PRKCQ: variants seen among roughly 807,000 people sequenced by gnomAD.
PRKCQ encodes the protein protein kinase C theta type.
In PRKCQ, 41 loss-of-function variants were observed where a neutral mutation model predicts 91.2. The ratio of observed to expected loss-of-function variants is 0.45; its 90% confidence interval spans 0.35 to 0.58. PRKCQ has a LOEUF of 0.58. Among genes scored for constraint, PRKCQ ranks in the 20% least tolerant of loss-of-function variants. The pLI, the probability that PRKCQ is intolerant of heterozygous loss-of-function variation, is 0.00. For synonymous variants in PRKCQ, 307 were observed against 316.9 expected (o/e 0.97, Z 0.33); for missense variants, 673 against 896.5 (o/e 0.75, Z 3.18).
At position 6,456,740 on chromosome 10, in the gene PRKCQ, C is replaced by T. The variant is rs1835029886; in HGVS notation, c.1581G>A (p.Lys527=). Reference sequence around the variant, plus strand: ...TCTTGGCATCTCCTAACATGTTCTCCTTGCACATTCCAAAATCCGCGATCT... The same window carrying T: ...TCTTGGCATCTCCTAACATGTTCTCTTTGCACATTCCAAAATCCGCGATCT... The part of the protein sequence containing the change: ...HIKIADFGMC[K]ENMLGDAKTN... The change falls in exon 15 of 18, where the codon AAG becomes AAA. Residue 527 remains lysine, a synonymous_variant. Transcript: ENST00000263125. 6.2e-7 allele frequency: 1 copy of T among 1,614,172 alleles called. No individual in the cohort carries two copies. The highest frequency in any genetic ancestry group is 8.5e-7 in the Non-Finnish European group (1 of 1,180,020).
At chr10:6,562,488 CAG>C (rs1840672715) in intron 1 of PRKCQ, among the ~76,000 whole-genome samples, 1 of 152,182 alleles carries the variant, frequency 6.6e-6, no homozygotes, top group South Asian at 2.1e-4. Context: ...TATGCTCAAC[CAG>C]AGTGAGTGTT....
chr10:6,447,279 C>T (rs928764998), intron 15 of PRKCQ, among the ~76,000 whole-genome samples: 6 of 151,810 alleles, frequency 4.0e-5, no homozygotes, highest in Admixed American at 1.3e-4. Flanking sequence ...TGGTGGCACG[C>T]GCCTGTAGTC....
At chr10:6,450,972 C>G (rs202090910) in intron 15 of PRKCQ, among the ~76,000 whole-genome samples, 1 of 152,076 alleles carries the variant, frequency 6.6e-6, no homozygotes, top group Non-Finnish European at 1.5e-5. Context: ...CAAGAGAAAG[C>G]AGGAAAAATC....
At chr10:6,442,133 G>A (rs752820738) in intron 15 of PRKCQ, 52 bp from the exon 16 acceptor site, 3 of 1,550,620 alleles carry the variant, frequency 1.9e-6, no homozygotes, top group Admixed American at 1.7e-5. Context: ...GCTGAGGAGT[G>A]ACAACTCTTC....
At chr10:6,456,181 C>A (rs1162513076) in intron 15 of PRKCQ, among the ~76,000 whole-genome samples, 1 of 152,130 alleles carries the variant, frequency 6.6e-6, no homozygotes, top group African/African-American at 2.4e-5. Flanking sequence ...TTTTAACTTT[C>A]ACACTCTTTC....
At chr10:6,513,307 A>G (rs572054435) in intron 2 of PRKCQ, among the ~76,000 whole-genome samples, 1 of 152,322 alleles carries the variant, frequency 6.6e-6, no homozygotes, top group South Asian at 2.1e-4. Flanking sequence ...AACAAGCCCA[A>G]AATAAAATCA....
At chr10:6,398,505 A>G in the PRKCQ span, among the ~76,000 whole-genome samples, 1 of 152,210 alleles carries the variant, frequency 6.6e-6, no homozygotes, top group Non-Finnish European at 1.5e-5. Flanking sequence ...AAATTCTATA[A>G]TATGTTTTCT....
At chr10:6,500,596 A>G (rs1224641696) in intron 4 of PRKCQ, among the ~76,000 whole-genome samples, 1 of 152,052 alleles carries the variant, frequency 6.6e-6, no homozygotes, top group Non-Finnish European at 1.5e-5. Context: ...TCTCTATTTC[A>G]ATCATTACAA....
intron 1 of PRKCQ, among the ~76,000 whole-genome samples, chr10:6,567,342 T>C (rs1218565213): frequency 6.6e-6 from 1 of 152,250 alleles, no homozygotes; most frequent in Non-Finnish European, 1.5e-5. Context: ...GACAGGGATA[T>C]GCTTGGCCCT....
chr10:6,572,680 C>T (rs1438059836), intron 1 of PRKCQ, among the ~76,000 whole-genome samples: 1 of 152,170 alleles, frequency 6.6e-6, no homozygotes, highest in Non-Finnish European at 1.5e-5. Context: ...GTGAATAGTG[C>T]TGTAATGAAC....
chr10:6,514,489 A>G (rs971998699), intron 2 of PRKCQ, among the ~76,000 whole-genome samples: 1 of 152,186 alleles, frequency 6.6e-6, no homozygotes, highest in Non-Finnish European at 1.5e-5. Flanking sequence ...AAACATCACT[A>G]TTCTTTCATT....
intron 11 of PRKCQ, among the ~76,000 whole-genome samples, chr10:6,482,926 C>G (rs1478202532): frequency 1.2e-4 from 18 of 152,242 alleles, no homozygotes; most frequent in Non-Finnish European, 1.0e-4. Context: ...CACTGGGTCC[C>G]TCCCATGACA....
At chr10:6,555,259 T>TAA (rs879437095) in intron 1 of PRKCQ, among the ~76,000 whole-genome samples, 3 of 143,162 alleles carry the variant, frequency 2.1e-5, no homozygotes, top group African/African-American at 7.7e-5. Flanking sequence ...AAATAAAAGT[T>TAA]AAAAAAAAAA....
the PRKCQ span, among the ~76,000 whole-genome samples, chr10:6,400,458 C>T: frequency 1.3e-5 from 2 of 152,132 alleles, no homozygotes; most frequent in African/African-American, 4.8e-5. Flanking sequence ...TGACTTAATA[C>T]TGTCATATAC....
chr10:6,461,847 T>C (rs1265547146), intron 14 of PRKCQ, among the ~76,000 whole-genome samples: 1 of 152,188 alleles, frequency 6.6e-6, no homozygotes, highest in Non-Finnish European at 1.5e-5. Flanking sequence ...GAGATTGAGA[T>C]ACAATAGTGT....
chr10:6,422,469 A>T (rs1440970683), downstream of PRKCQ, among the ~76,000 whole-genome samples: 1 of 152,094 alleles, frequency 6.6e-6, no homozygotes, highest in Non-Finnish European at 1.5e-5. Flanking sequence ...TGATAGAGGG[A>T]CAAGCTTTGT....
rs1049407476 is a variant in PRKCQ at position 6,456,961 on chromosome 10, G to A, written c.1509-149C>T. 10 of 767,420 alleles carry A rather than the reference G, an allele frequency of 1.3e-5. No individual in the cohort carries two copies. The African/African-American group carries it at 1.6e-4, about 12-fold the overall frequency. The allele number at this position is 767,420 out of a possible 1,614,324, so 47.5% of individuals were successfully genotyped here. A position where few individuals can be genotyped will look rare whatever the true frequency, so the allele number is the denominator to read the frequency against. On this transcript the variant is annotated intron_variant, in intron 14 of 17. Transcript: ENST00000263125. ...GTATCTATCCACTTGCACACCAAGT[G>A]GGGTGTAGACAAAGCAGATTCTGCA...
rs368582340 is a variant in PRKCQ at position 6,580,228 on chromosome 10, C to G, written c.-27G>C. Reference sequence around the variant, plus strand: ...GGCCCTACCTGGAGCGAGCACGGCGCCGCTGCTGCCCGGTGGCGCTGGGAC... The same window carrying G: ...GGCCCTACCTGGAGCGAGCACGGCGGCGCTGCTGCCCGGTGGCGCTGGGAC... On this transcript the variant is annotated 5_prime_UTR_variant, in exon 1 of 18. Transcript: ENST00000263125. 9.6e-4 allele frequency: 146 copies of G among 152,500 alleles called. 5 individuals are homozygous for G. In the South Asian group the frequency reaches 0.017, roughly 18 times the overall value. The allele number at this position is 152,500 out of a possible 1,614,324, so 9.4% of individuals were successfully genotyped here. A position where few individuals can be genotyped will look rare whatever the true frequency, so the allele number is the denominator to read the frequency against.
At chr10:6,563,192 C>G (rs540970387) in intron 1 of PRKCQ, among the ~76,000 whole-genome samples, 1 of 152,090 alleles carries the variant, frequency 6.6e-6, no homozygotes, top group East Asian at 1.9e-4. Context: ...TAAGTGACAG[C>G]TAGGATTTCA....
Sources: gnomAD v4.1 joint callset for allele counts (sites outside exome capture counted in the v4.1 genomes callset) on GRCh38, gnomAD v4.1.1 for gene constraint, MANE v1.5 for transcripts, NCBI Gene and HGNC (gene_info 2026-07-23, HGNC 2026-07-21) for gene names.